Variants in SPOCK3 observed in about 807,000 individuals in gnomAD.
The protein encoded by SPOCK3 is testican-3.
In SPOCK3, 30 loss-of-function variants were observed where a neutral mutation model predicts 56.6. The ratio of observed to expected loss-of-function variants is 0.53; its 90% CI spans 0.40 to 0.72. The LOEUF (loss-of-function observed/expected upper bound fraction) is 0.72, where lower values mean the gene tolerates loss of function less well. SPOCK3 is among the 30% of genes least tolerant of loss of function. The pLI is 0.00. For synonymous variants in SPOCK3, 196 were observed against 183.3 expected (o/e 1.07, Z -0.56); for missense variants, 527 against 530.0 (o/e 0.99, Z 0.06).
intron 4 of SPOCK3, among the ~76,000 whole-genome samples, chr4:166,922,345 T>C (rs1437754022): frequency 6.6e-6 from 1 of 152,178 alleles, no homozygotes; most frequent in Non-Finnish European, 1.5e-5. Context: ...TTGTAGGATT[T>C]TTCTATAGTC....
At chr4:167,175,271 C>T (rs1186135896) in intron 2 of SPOCK3, among the ~76,000 whole-genome samples, 1 of 152,086 alleles carries the variant, frequency 6.6e-6, no homozygotes, top group Non-Finnish European at 1.5e-5. Context: ...CTTATTAAAC[C>T]AATAAGTCAT....
At chr4:167,116,544 GTA>G (rs1358799851) in intron 2 of SPOCK3, among the ~76,000 whole-genome samples, 16 of 114,334 alleles carry the variant, frequency 1.4e-4, no homozygotes, top group South Asian at 8.0e-4. Flanking sequence ...ATATATAAAA[GTA>G]TATATATGAG....
At chr4:167,200,845 CAAAG>C (rs1733445634) in intron 2 of SPOCK3, among the ~76,000 whole-genome samples, 1 of 151,976 alleles carries the variant, frequency 6.6e-6, no homozygotes, top group Non-Finnish European at 1.5e-5. Flanking sequence ...TTTTGGTTGG[CAAAG>C]AAAGAAAGTG....
At chr4:166,735,147 G>T in intron 10 of SPOCK3, 57 bp from the exon 11 acceptor site, 1 of 1,011,464 alleles carries the variant, frequency 9.9e-7, no homozygotes, top group Non-Finnish European at 1.5e-6. Flanking sequence ...GTCAATTTCT[G>T]CAAGATAAAA....
rs1296779768 is a variant in SPOCK3 at position 166,734,006 on chromosome 4, T to C, written c.*915A>G. On this transcript the variant is annotated 3_prime_UTR_variant, in exon 11 of 11. Coordinates refer to ENST00000357545, the MANE Select transcript of SPOCK3 (RefSeq NM_001040159.2). ...TAACAAAAATAACATAATTCTAAGA[T>C]TAAATGCAAACTTTTACCTAAAATG... 1 of 152,214 alleles carries C rather than the reference T, an allele frequency of 6.6e-6. No individual in the cohort carries two copies. The highest frequency in any genetic ancestry group is 2.4e-5 in the African/African-American group (1 of 41,400). 9.4% of individuals were successfully genotyped at this position (152,214 alleles called of 1,614,324 possible). A position where few individuals can be genotyped will look rare whatever the true frequency, so the allele number is the denominator to read the frequency against.
At chr4:167,155,886 C>G (rs1464626728) in intron 2 of SPOCK3, among the ~76,000 whole-genome samples, 4 of 152,004 alleles carry the variant, frequency 2.6e-5, no homozygotes, top group African/African-American at 9.7e-5. Context: ...GCTTGAAACT[C>G]AGATGACAAG....
At chr4:167,224,320 T>C (rs368273097) in intron 2 of SPOCK3, among the ~76,000 whole-genome samples, 16 of 152,130 alleles carry the variant, frequency 1.1e-4, no homozygotes, top group African/African-American at 3.9e-4. Flanking sequence ...GAAAAAATAG[T>C]ATGGAAAAGT....
chr4:166,763,266 A>G (rs1034140230), intron 7 of SPOCK3, among the ~76,000 whole-genome samples: 1 of 152,092 alleles, frequency 6.6e-6, no homozygotes, highest in African/African-American at 2.4e-5. Context: ...GAAAATTTCT[A>G]AAGTACTCAA....
At chr4:166,746,389 G>A (rs991956013) in intron 8 of SPOCK3, among the ~76,000 whole-genome samples, 14 of 151,642 alleles carry the variant, frequency 9.2e-5, no homozygotes, top group Non-Finnish European at 1.6e-4. Flanking sequence ...TCCTTACTGG[G>A]TACATAACGA....
chr4:166,919,236 TC>T, intron 4 of SPOCK3, among the ~76,000 whole-genome samples: 1 of 152,192 alleles, frequency 6.6e-6, no homozygotes, highest in East Asian at 1.9e-4. Flanking sequence ...TACCAAGAAA[TC>T]AAAGCAATCA....
intron 2 of SPOCK3, among the ~76,000 whole-genome samples, chr4:167,173,322 A>G (rs961553187): frequency 2.6e-5 from 4 of 152,282 alleles, no homozygotes; most frequent in East Asian, 1.9e-4. Context: ...TTCTCAATAT[A>G]TATGTAAATT....
rs1268158714 is a variant in SPOCK3, at chr4:166,734,210, A to ATCTT, written c.*707_*710dup. The ATCTT allele has an allele frequency of 6.6e-6, 1 of 151,872 alleles. No homozygotes were observed. Among genetic ancestry groups the ATCTT allele is most frequent in the African/African-American group, 2.4e-5 (1 of 41,426 alleles). The allele number at this position is 151,872 out of a possible 1,614,324, so 9.4% of individuals were successfully genotyped here. On this transcript the variant is annotated 3_prime_UTR_variant, in exon 11 of 11. Transcript: ENST00000357545. ...GGCAAACAAATCATGTTATTAAAGA[A>ATCTT]TCTTTTAAAAAATCTGCATGAGACT...
chr4:167,017,628 A>T (rs1357156114), intron 3 of SPOCK3, among the ~76,000 whole-genome samples: 1 of 152,126 alleles, frequency 6.6e-6, no homozygotes, highest in African/African-American at 2.4e-5. Context: ...GAGACTTAAC[A>T]TCCAATGCAG....
chr4:167,232,656 A>T (rs2111186995), intron 2 of SPOCK3, among the ~76,000 whole-genome samples: 1 of 152,314 alleles, frequency 6.6e-6, no homozygotes, highest in South Asian at 2.1e-4. Flanking sequence ...CAAATATGCA[A>T]CGGGTATGCT....
chr4:166,857,270 TG>T (rs1345838638), intron 6 of SPOCK3, among the ~76,000 whole-genome samples: 4 of 152,194 alleles, frequency 2.6e-5, no homozygotes, highest in African/African-American at 9.6e-5. Flanking sequence ...CCTCAGGGAA[TG>T]TGGCCACCAT....
intron 6 of SPOCK3, among the ~76,000 whole-genome samples, chr4:166,793,783 T>C (rs1018480943): frequency 3.9e-5 from 6 of 152,170 alleles, no homozygotes; most frequent in African/African-American, 1.4e-4. Flanking sequence ...AAAGGCAGCA[T>C]AGCAACATAA....
intron 2 of SPOCK3, among the ~76,000 whole-genome samples, chr4:167,218,185 G>A (rs943392923): frequency 2.0e-5 from 3 of 152,100 alleles, no homozygotes; most frequent in African/African-American, 7.2e-5. Flanking sequence ...GGGCACACAG[G>A]CTGAACAATT....
Position 166,841,777 on chromosome 4 carries a change from G to C in SPOCK3, c.589+47353C>G, listed in dbSNP as rs116230647. Reference sequence around the variant, plus strand: ...TCCTGCTCTGTACAGCCTATATGATGCCTTCTTGAGTACGAGCAACATCAG... The same window carrying C: ...TCCTGCTCTGTACAGCCTATATGATCCCTTCTTGAGTACGAGCAACATCAG... On this transcript the variant is annotated intron_variant, in intron 6 of 10. Coordinates refer to ENST00000357545, the MANE Select transcript of SPOCK3 (RefSeq NM_001040159.2). 8.7e-4 allele frequency among the ~76,000 whole-genome samples: 133 copies of C among 152,306 alleles called. 1 individual carries two copies. The highest frequency in any genetic ancestry group is 3.1e-3 in the African/African-American group (129 of 41,570).
chr4:166,966,253 T>C (rs1029163011), intron 4 of SPOCK3, among the ~76,000 whole-genome samples: 8 of 151,614 alleles, frequency 5.3e-5, no homozygotes, highest in Middle Eastern at 3.4e-3. Context: ...TTTTTTTTTT[T>C]CCCGTCAAGT....
Sources: gnomAD v4.1 joint callset for allele counts (sites outside exome capture counted in the v4.1 genomes callset) on GRCh38, gnomAD v4.1.1 for gene constraint, MANE v1.5 for transcripts, NCBI Gene and HGNC (gene_info 2026-07-23, HGNC 2026-07-21) for gene names.